DRD2: variants seen among roughly 807,000 people sequenced by gnomAD.
DRD2 encodes the protein D(2) dopamine receptor.
Under a neutral mutation model 38.0 loss-of-function variants are expected in DRD2, and 8 were observed. That is an observed-to-expected ratio of 0.21 (90% CI 0.12 to 0.38). The LOEUF is 0.38. DRD2 is among the 10% of genes least tolerant of loss of function. DRD2 has a pLI of 1.00. For synonymous variants in DRD2, 230 were observed against 238.6 expected (o/e 0.96, Z 0.33); for missense variants, 403 against 607.7 (o/e 0.66, Z 3.54).
intron 6 of DRD2, 22 bp downstream of exon 6, chr11:113,414,353 G>A (rs751111290): frequency 1.2e-6 from 2 of 1,609,376 alleles, no homozygotes; most frequent in Admixed American, 3.3e-5. Context: ...CCTGGCTCTG[G>A]GTCCCTGGCC....
intron 1 of DRD2, among the ~76,000 whole-genome samples, chr11:113,425,570 G>C (rs932730412): frequency 2.0e-5 from 3 of 152,178 alleles, no homozygotes; most frequent in African/African-American, 7.2e-5. Flanking sequence ...CTTTCGAATA[G>C]GTGATTCTGA....
At chr11:113,471,879 C>T (rs887677751) in intron 1 of DRD2, among the ~76,000 whole-genome samples, 2 of 152,226 alleles carry the variant, frequency 1.3e-5, no homozygotes, top group Admixed American at 6.5e-5. Flanking sequence ...AATGACTGGG[C>T]TGCTGTTCTA....
intron 1 of DRD2, among the ~76,000 whole-genome samples, chr11:113,463,676 A>C (rs1296524592): frequency 6.6e-6 from 1 of 152,198 alleles, no homozygotes; most frequent in African/African-American, 2.4e-5. Context: ...TGACAGTCCC[A>C]CTTTGTGCAG....
intron 1 of DRD2, among the ~76,000 whole-genome samples, chr11:113,445,522 C>A (rs1951138403): frequency 6.6e-6 from 1 of 152,160 alleles, no homozygotes; most frequent in East Asian, 1.9e-4. Context: ...ATCGTATCCT[C>A]CTCCCACCTG....
intron 1 of DRD2, among the ~76,000 whole-genome samples, chr11:113,444,612 G>T (rs908575267): frequency 6.6e-6 from 1 of 152,184 alleles, no homozygotes; most frequent in Non-Finnish European, 1.5e-5. Flanking sequence ...TCCACAACCT[G>T]AATGACTGTC....
chr11:113,461,664 C>G (rs193193316), intron 1 of DRD2, among the ~76,000 whole-genome samples: 3 of 152,268 alleles, frequency 2.0e-5, no homozygotes, highest in Admixed American at 6.5e-5. Context: ...ATTCACTTGG[C>G]CTACCGGAGT....
intron 1 of DRD2, among the ~76,000 whole-genome samples, chr11:113,465,937 T>C (rs571993430): frequency 2.0e-5 from 3 of 152,332 alleles, no homozygotes; most frequent in South Asian, 2.1e-4. Context: ...GAGCTTACCA[T>C]GCATCAGGTA....
intron 7 of DRD2, among the ~76,000 whole-genome samples, chr11:113,411,288 A>G (rs974387582): frequency 6.6e-6 from 1 of 152,158 alleles, no homozygotes; most frequent in African/African-American, 2.4e-5. Flanking sequence ...CTTAGTTCTT[A>G]TAGCATCCTC....
intron 7 of DRD2, 51 bp downstream of exon 7, chr11:113,412,505 A>G (rs749761740): frequency 1.3e-6 from 2 of 1,599,108 alleles, no homozygotes; most frequent in Non-Finnish European, 8.5e-7. Flanking sequence ...CATGGCAGGG[A>G]ATGGGACCTT....
intron 1 of DRD2, among the ~76,000 whole-genome samples, chr11:113,438,838 T>C (rs1407215631): frequency 1.3e-5 from 2 of 152,230 alleles, no homozygotes. Context: ...TGGCAGACTC[T>C]ATCAGGTATC....
chr11:113,418,728 A>G (rs559040592), intron 2 of DRD2, among the ~76,000 whole-genome samples: 1 of 152,254 alleles, frequency 6.6e-6, no homozygotes, highest in African/African-American at 2.4e-5. Flanking sequence ...CAGAGAGACA[A>G]CTAGAGATCA....
intron 1 of DRD2, among the ~76,000 whole-genome samples, chr11:113,457,172 G>T (rs1279503807): frequency 1.3e-5 from 2 of 152,154 alleles, no homozygotes; most frequent in Non-Finnish European, 2.9e-5. Context: ...TCCTGACTGT[G>T]CCGCTTCCCT....
chr11:113,446,280 C>T lies in DRD2; in HGVS notation c.-31-21598G>A, dbSNP rs186694238. ...TCTTCATCCAAACTCCTTAGAGTCACGTCTGCTGAAAAGACCAGTTTCTAC... is the reference window on the plus strand; with the variant it reads ...TCTTCATCCAAACTCCTTAGAGTCATGTCTGCTGAAAAGACCAGTTTCTAC... On this transcript the variant is annotated intron_variant, in intron 1 of 7. Coordinates refer to ENST00000362072, the MANE Select transcript of DRD2 (RefSeq NM_000795.4). Among the ~76,000 whole-genome samples the T allele has an allele frequency of 7.1e-3, 1,085 of 152,282 alleles. 8 individuals are homozygous for T. Among genetic ancestry groups the T allele is most frequent in the Middle Eastern group, 0.014 (4 of 294 alleles).
chr11:113,424,796 A>G, intron 1 of DRD2, 114 bp from the exon 2 acceptor site: 1 of 1,088,358 alleles, frequency 9.2e-7, no homozygotes, highest in Non-Finnish European at 1.3e-6. Flanking sequence ...TCGGGATTTT[A>G]AGGTTTACGG....
At chr11:113,452,753 T>C (rs1464016568) in intron 1 of DRD2, among the ~76,000 whole-genome samples, 1 of 151,724 alleles carries the variant, frequency 6.6e-6, no homozygotes, top group East Asian at 1.9e-4. Context: ...GTTCAAGCAA[T>C]TCTCCTGCCT....
intron 1 of DRD2, among the ~76,000 whole-genome samples, chr11:113,437,371 G>A (rs905452320): frequency 6.6e-6 from 1 of 152,120 alleles, no homozygotes; most frequent in Admixed American, 6.5e-5. Context: ...CATCTACACG[G>A]TTCCTTCATG....
At chr11:113,420,291 A>C (rs1565662709) in intron 2 of DRD2, among the ~76,000 whole-genome samples, 1 of 152,172 alleles carries the variant, frequency 6.6e-6, no homozygotes, top group Non-Finnish European at 1.5e-5. Context: ...GCTCCTGGAC[A>C]CAGTTGTGAG....
chr11:113,414,599 A>T, intron 5 of DRD2, 138 bp from the exon 6 acceptor site: 3 of 818,858 alleles, frequency 3.7e-6, no homozygotes, highest in Non-Finnish European at 6.2e-6. Context: ...CAGAGGAGGC[A>T]GTTGGGGCAA....
intron 2 of DRD2, among the ~76,000 whole-genome samples, chr11:113,421,846 C>T (rs1440307406): frequency 6.6e-6 from 1 of 152,150 alleles, no homozygotes. Context: ...AAACAAGGCT[C>T]AGTGCCCAGC....
Sources: allele counts gnomAD v4.1 joint callset (sites outside exome capture counted in the v4.1 genomes callset), GRCh38; gene constraint gnomAD v4.1.1; transcripts MANE v1.5; gene names NCBI Gene and HGNC (gene_info 2026-07-23, HGNC 2026-07-21).